The following STAB2 variants were observed in gnomAD, a reference collection of about 807,000 sequenced individuals.
STAB2 encodes the protein stabilin 2.
In STAB2, 288 loss-of-function variants were observed where a neutral mutation model predicts 338.1. The observed-to-expected ratio is 0.85, with a 90% CI of 0.77 to 0.94. The LOEUF (loss-of-function observed/expected upper bound fraction) is 0.94. Ranked by LOEUF, STAB2 falls within the 40% of genes least tolerant of loss-of-function variation. STAB2 has a pLI of 0.00. For synonymous variants in STAB2, 1,202 were observed against 1,193.3 expected (o/e 1.01, Z -0.15); for missense variants, 3,141 against 3,210.1 (o/e 0.98, Z 0.52).
intron 15 of STAB2, among the ~76,000 whole-genome samples, chr12:103,659,811 G>A (rs1413433389): frequency 6.6e-6 from 1 of 152,236 alleles, no homozygotes; most frequent in East Asian, 1.9e-4. Context: ...GGAAGGAAGA[G>A]GTGATCGCTA....
Position 103,762,330 on chromosome 12 carries a change from T to C in STAB2, c.7416T>C (p.Thr2472=), listed in dbSNP as rs1884597312. The change falls in exon 67 of 69, where the codon ACT becomes ACC. Residue 2472 remains threonine (T), a synonymous_variant. Transcript: ENST00000388887. ...TCTTCTTTGCCATCATCCTGGTGAC[T>C]GGGGCTGTTGCCTTGGCTGCTTACT... ...AGIFFAIILV[T]GAVALAAYSY... is the part of the protein sequence containing the mutation. 6.2e-7 allele frequency: 1 copy of C among 1,614,130 alleles called. No individual in the cohort carries two copies. Among genetic ancestry groups the C allele is most frequent in the Non-Finnish European group, 8.5e-7 (1 of 1,180,054 alleles).
intron 18 of STAB2, among the ~76,000 whole-genome samples, chr12:103,664,768 T>C (rs1365299896): frequency 6.6e-6 from 1 of 152,248 alleles, no homozygotes; most frequent in East Asian, 1.9e-4. Context: ...ATTGATGTAA[T>C]GACTCTGATA....
At chr12:103,753,771 A>G (rs1404502897) in intron 61 of STAB2, among the ~76,000 whole-genome samples, 1 of 152,218 alleles carries the variant, frequency 6.6e-6, no homozygotes, top group East Asian at 1.9e-4. Context: ...GGAGACTGGA[A>G]GTGCATCCCT....
intron 5 of STAB2, among the ~76,000 whole-genome samples, chr12:103,622,872 A>G (rs561546820): frequency 1.3e-5 from 2 of 152,306 alleles, no homozygotes; most frequent in East Asian, 1.9e-4. Flanking sequence ...TGGTCTCAGC[A>G]TAGATCCATA....
chr12:103,755,791 GC>G (rs1339925159), intron 63 of STAB2, 73 bp downstream of exon 63: 2 of 1,424,618 alleles, frequency 1.4e-6, no homozygotes, highest in Admixed American at 3.4e-5. Context: ...GAGGGGTGAG[GC>G]CTTAAGCTGA....
chr12:103,736,687 T>C (rs1256190076), intron 52 of STAB2, among the ~76,000 whole-genome samples: 2 of 152,012 alleles, frequency 1.3e-5, no homozygotes, highest in Non-Finnish European at 2.9e-5. Flanking sequence ...TCTATTTACC[T>C]GGTGAAAAAA....
At chr12:103,666,427 C>A (rs1245946429) in intron 19 of STAB2, 74 bp downstream of exon 19, 2 of 1,479,138 alleles carry the variant, frequency 1.4e-6, no homozygotes, top group Non-Finnish European at 1.9e-6. Flanking sequence ...ACCTATCTAC[C>A]TTCCTTCTTT....
chr12:103,662,720 A>G, intron 17 of STAB2, 126 bp from the exon 18 acceptor site: 2 of 1,090,740 alleles, frequency 1.8e-6, no homozygotes, highest in Non-Finnish European at 2.6e-6. Flanking sequence ...CCTACCCTCC[A>G]ATGAAAAGTT....
At chr12:103,726,209 C>T (rs781123344) in intron 46 of STAB2, 46 bp downstream of exon 46, 1 of 1,603,280 alleles carries the variant, frequency 6.2e-7, no homozygotes, top group South Asian at 1.1e-5. Context: ...TCAGCCTAGG[C>T]CAGGTGCAGT....
At chr12:103,698,829 C>T (rs1005561599) in intron 33 of STAB2, among the ~76,000 whole-genome samples, 1 of 152,126 alleles carries the variant, frequency 6.6e-6, no homozygotes, top group Non-Finnish European at 1.5e-5. Context: ...TAAAATCTAC[C>T]CCCAGCTCTC....
At chr12:103,740,803 C>T (rs1212276394) in intron 55 of STAB2, 47 bp downstream of exon 55, 1 of 1,517,856 alleles carries the variant, frequency 6.6e-7, no homozygotes, top group Non-Finnish European at 8.8e-7. Flanking sequence ...TGGTAATATG[C>T]TCCTGCTCGT....
Position 103,685,100 on chromosome 12 carries a change from T to A in STAB2, c.2997+16T>A. ...CGCAGCAGTGGTAAGTCATCGATGA[T>A]GAACTCAATAATATAGACAAAACCC... On this transcript the variant is annotated intron_variant, in intron 27 of 68. Coordinates refer to ENST00000388887, the MANE Select transcript of STAB2 (RefSeq NM_017564.10). The A allele has an allele frequency of 6.2e-7, 1 of 1,611,094 alleles. No homozygotes were observed. Among genetic ancestry groups the A allele is most frequent in the Non-Finnish European group, 8.5e-7 (1 of 1,177,328 alleles).
At chr12:103,633,704 C>T (rs1250873541) in intron 6 of STAB2, among the ~76,000 whole-genome samples, 1 of 152,124 alleles carries the variant, frequency 6.6e-6, no homozygotes, top group Non-Finnish European at 1.5e-5. Flanking sequence ...TGAAAACCAG[C>T]AATAAACATG....
rs749454799 is a variant in STAB2, at chr12:103,706,955, C to G, written c.4160C>G (p.Thr1387Ser). The change falls in exon 38 of 69, where the codon ACC becomes AGC. Residue 1387 changes from threonine to serine, a missense_variant. Thr to Ser is a moderately conservative substitution (Grantham distance 58). Transcript: ENST00000388887. ...GFSGTACETC[T>S]EGKYGIHCDQ... The stretch of plus-strand genomic sequence containing the variant: ...AGCGGCACAGCCTGCGAGACCTGCA[C>G]CGAGGGCAAGTACGGCATCCACTGT... The G allele has an allele frequency of 1.3e-5, 21 of 1,614,086 alleles. No homozygotes were observed. The highest frequency in any genetic ancestry group is 1.8e-5 in the Non-Finnish European group (21 of 1,180,050).
At chr12:103,639,667 A>G (rs544219023) in intron 8 of STAB2, among the ~76,000 whole-genome samples, 125 of 144,852 alleles carry the variant, frequency 8.6e-4, no homozygotes, top group African/African-American at 3.0e-3. Context: ...TTGCATCACT[A>G]CACTCTAGCC....
chr12:103,587,315 G>A lies in STAB2; in HGVS notation c.-162G>A. On this transcript the variant is annotated 5_prime_UTR_variant, in exon 1 of 69. Transcript: ENST00000388887. ...TGCCATTTTTCCTTTCTGAAGGCAG[G>A]TCTCACCTATCTCCTGGTTCGATCT... 1 of 636,528 alleles carries A rather than the reference G, an allele frequency of 1.6e-6. No homozygotes were observed. 39.4% of individuals were successfully genotyped at this position (636,528 alleles called of 1,614,324 possible).
intron 3 of STAB2, among the ~76,000 whole-genome samples, chr12:103,599,898 T>C (rs1438300465): frequency 6.6e-6 from 1 of 152,206 alleles, no homozygotes; most frequent in East Asian, 1.9e-4. Context: ...GTTTACTGAC[T>C]TGATTTTATA....
intron 3 of STAB2, among the ~76,000 whole-genome samples, chr12:103,610,329 G>T (rs1224022281): frequency 6.6e-6 from 1 of 152,130 alleles, no homozygotes; most frequent in African/African-American, 2.4e-5. Flanking sequence ...GACTTGTTTT[G>T]GTTGGTAAGC....
chr12:103,668,869 AT>A lies in STAB2; in HGVS notation c.2172+142del, dbSNP rs549350512. The A allele has an allele frequency of 4.2e-5, 29 of 688,606 alleles. No homozygotes were observed. In the South Asian group the frequency reaches 5.4e-4, roughly 13 times the overall value. 42.7% of individuals were successfully genotyped at this position (688,606 alleles called of 1,614,324 possible). On this transcript the variant is annotated intron_variant, in intron 20 of 68. Coordinates refer to ENST00000388887, the MANE Select transcript of STAB2 (RefSeq NM_017564.10). ...CTTCCTGCAGAGGAATCAAAGGTAG[AT>A]TCTTCATATGGTGGCCAGACTCTGT...
Sources: gnomAD v4.1 joint callset for allele counts (sites outside exome capture counted in the v4.1 genomes callset) on GRCh38, gnomAD v4.1.1 for gene constraint, MANE v1.5 for transcripts, NCBI Gene and HGNC (gene_info 2026-07-23, HGNC 2026-07-21) for gene names.